ACACA: variants seen among roughly 807,000 people sequenced by gnomAD.
ACACA encodes acetyl-CoA carboxylase 1.
A neutral mutation model predicts 296.1 loss-of-function variants in ACACA; 103 were observed. That is an observed-to-expected ratio of 0.35 (90% CI 0.30 to 0.41). The LOEUF (loss-of-function observed/expected upper bound fraction) is 0.41, where lower values mean the gene tolerates loss of function less well. Among genes scored for constraint, ACACA ranks in the 10% least tolerant of loss-of-function variants. ACACA has a pLI of 1.00. For missense variants in ACACA, 1,554 were observed against 2,989.7 expected, an observed-to-expected ratio of 0.52 and a Z score of 11.20; for synonymous variants, 953 against 1,038.6, an observed-to-expected ratio of 0.92 and a Z score of 1.58.
intron 21 of ACACA, 142 bp downstream of exon 21, chr17:37,244,446 G>T: frequency 4.2e-6 from 4 of 943,014 alleles, no homozygotes; most frequent in Non-Finnish European, 5.1e-6. Context: ...AAGACCTCAA[G>T]TCCCACAACT....
intron 2 of ACACA, among the ~76,000 whole-genome samples, chr17:37,338,257 C>G (rs200500441): frequency 1.0e-4 from 13 of 130,272 alleles, no homozygotes; most frequent in African/African-American, 3.8e-4. Flanking sequence ...TATCATGCAA[C>G]AAAAAAAATT....
At chr17:37,171,821 A>C (rs923554959) in intron 41 of ACACA, among the ~76,000 whole-genome samples, 2 of 152,238 alleles carry the variant, frequency 1.3e-5, no homozygotes, top group African/African-American at 4.8e-5. Context: ...TTACACATGT[A>C]CACACAGTAA....
intron 10 of ACACA, among the ~76,000 whole-genome samples, chr17:37,269,177 T>C (rs2081958678): frequency 6.6e-6 from 1 of 152,178 alleles, no homozygotes; most frequent in Non-Finnish European, 1.5e-5. Flanking sequence ...TCTCACTTTA[T>C]CTTCCAGACT....
chr17:37,109,320 G>A (rs879392343), intron 52 of ACACA, among the ~76,000 whole-genome samples: 3 of 152,172 alleles, frequency 2.0e-5, no homozygotes, highest in Admixed American at 6.5e-5. Context: ...TTTTTCTAAT[G>A]ATTAAGACAG....
intron 45 of ACACA, 104 bp downstream of exon 45, chr17:37,149,760 G>T: frequency 1.0e-6 from 1 of 983,420 alleles, no homozygotes; most frequent in Non-Finnish European, 1.6e-6. Flanking sequence ...GACTGAGGAA[G>T]GCACGGATTG....
chr17:37,276,288 T>G (rs1399232329), intron 7 of ACACA, among the ~76,000 whole-genome samples: 1 of 152,218 alleles, frequency 6.6e-6, no homozygotes, highest in Admixed American at 6.5e-5. Flanking sequence ...TATAAATGTA[T>G]GCTGAATTAA....
intron 29 of ACACA, among the ~76,000 whole-genome samples, chr17:37,216,456 G>A (rs1233238736): frequency 2.0e-5 from 3 of 151,902 alleles, no homozygotes; most frequent in African/African-American, 7.3e-5. Context: ...AATATACCTC[G>A]ACTGATGCAC....
At chr17:37,367,490 G>A (rs1031333250) in intron 1 of ACACA, 5 of 152,060 alleles carry the variant, frequency 3.3e-5, no homozygotes, top group African/African-American at 1.2e-4. Context: ...TGACTCTGTC[G>A]CTAATTAGCT....
intron 25 of ACACA, 41 bp downstream of exon 25, chr17:37,234,934 A>G: frequency 6.2e-7 from 1 of 1,611,868 alleles, no homozygotes; most frequent in Non-Finnish European, 8.5e-7. Flanking sequence ...CTTTTTGCAT[A>G]TCATTGACGG....
chr17:37,362,005 T>A (rs978042472), intron 1 of ACACA, among the ~76,000 whole-genome samples: 1 of 152,174 alleles, frequency 6.6e-6, no homozygotes, highest in Non-Finnish European at 1.5e-5. Flanking sequence ...GGTAATTAAA[T>A]TAAAATGAGG....
chr17:37,344,419 G>T (rs552470317), intron 1 of ACACA, among the ~76,000 whole-genome samples: 1 of 152,130 alleles, frequency 6.6e-6, no homozygotes, highest in East Asian at 1.9e-4. Context: ...TTAGCGGGGC[G>T]TGGTGGTGTG....
chr17:37,181,728 T>C (rs1293325159), intron 39 of ACACA, among the ~76,000 whole-genome samples: 2 of 151,352 alleles, frequency 1.3e-5, no homozygotes, highest in Non-Finnish European at 2.9e-5. Context: ...TGAAACCTTG[T>C]CTCTACTGAA....
chr17:37,126,351 T>C (rs1406028663), intron 47 of ACACA, among the ~76,000 whole-genome samples: 2 of 152,178 alleles, frequency 1.3e-5, no homozygotes, highest in Non-Finnish European at 2.9e-5. Context: ...AAACAGCTGA[T>C]AAAGTATAAC....
intron 1 of ACACA, chr17:37,389,206 C>T: frequency 6.5e-7 from 1 of 1,545,380 alleles, no homozygotes; most frequent in South Asian, 1.2e-5. Context: ...AAATGCTTAC[C>T]AGCCACTTCA....
rs1043566248 is a variant in ACACA, at chr17:37,243,628, T to C, written c.2743-69A>G. 3.2e-5 allele frequency: 49 copies of C among 1,525,604 alleles called. 1 individual carries two copies. The South Asian group carries it at 4.1e-4, about 13-fold the overall frequency. 94.5% of individuals were successfully genotyped at this position (1,525,604 alleles called of 1,614,324 possible). On this transcript the variant is annotated intron_variant, in intron 21 of 55. Transcript: ENST00000616317. ...TCCCCCAAATAAAAAGATATATAGT[T>C]GTCATTCTGTATACGTGGGAAATTG...
chr17:37,193,691 A>T (rs1208042129), intron 35 of ACACA, among the ~76,000 whole-genome samples: 1 of 152,208 alleles, frequency 6.6e-6, no homozygotes. Context: ...AAATCTCCCA[A>T]GTGAAAAAAA....
rs1332455481 is a variant in ACACA at position 37,328,232 on chromosome 17, G to A, written c.338+1941C>T. Reference sequence around the variant, plus strand: ...TCTCTGGCTATTCAAACTTAGGCAAGTTATTTCTCCTCATTGGGCCTTAGT... The same window carrying A: ...TCTCTGGCTATTCAAACTTAGGCAAATTATTTCTCCTCATTGGGCCTTAGT... On this transcript the variant is annotated intron_variant, in intron 3 of 55. Transcript: ENST00000616317. Among the ~76,000 whole-genome samples, 3 of 152,152 alleles carry A rather than the reference G, an allele frequency of 2.0e-5. No homozygotes were observed. The East Asian group carries it at 5.8e-4, about 29-fold the overall frequency.
intron 39 of ACACA, among the ~76,000 whole-genome samples, 199 bp from the exon 40 acceptor site, chr17:37,181,555 T>C (rs1430723800): frequency 6.6e-6 from 1 of 151,946 alleles, no homozygotes; most frequent in Non-Finnish European, 1.5e-5. Context: ...AATATATATA[T>C]ATAACCAGCC....
chr17:37,318,598 T>C (rs1460399424), intron 3 of ACACA, among the ~76,000 whole-genome samples: 1 of 152,212 alleles, frequency 6.6e-6, no homozygotes, highest in Non-Finnish European at 1.5e-5. Flanking sequence ...TGATAGTATA[T>C]ATTTGCCATC....
Sources: gnomAD v4.1 joint callset for allele counts (sites outside exome capture counted in the v4.1 genomes callset) on GRCh38, gnomAD v4.1.1 for gene constraint, MANE v1.5 for transcripts, NCBI Gene and HGNC (gene_info 2026-07-23, HGNC 2026-07-21) for gene names.